The following ATXN10 variants were observed in gnomAD, a reference collection of about 807,000 sequenced individuals.
The protein encoded by ATXN10 is ataxin 10.
A neutral mutation model predicts 52.9 loss-of-function variants in ATXN10; 28 were observed. That is an observed-to-expected ratio of 0.53 (90% confidence interval 0.39 to 0.73). The LOEUF (loss-of-function observed/expected upper bound fraction) is 0.73. ATXN10 is among the 30% of genes least tolerant of loss of function. The pLI, the probability that ATXN10 is intolerant of heterozygous loss-of-function variation, is 0.00. For missense variants in ATXN10, 565 were observed against 577.0 expected (o/e 0.98, Z 0.21); for synonymous variants, 226 against 221.5 (o/e 1.02, Z -0.18).
rs1043943185 is a variant in ATXN10 at position 45,708,994 on chromosome 22, A to G, written c.647+6147A>G. Among the ~76,000 whole-genome samples the G allele has an allele frequency of 1.3e-5, 2 of 152,236 alleles. No individual in the cohort carries two copies. Among genetic ancestry groups the G allele is most frequent in the Admixed American group, 1.3e-4 (2 of 15,280 alleles). ...CCAGTTTCACTACAAAAATGAAGTT[A>G]TAACTGGGAGCAAAGCATTCTTTTT... On this transcript the variant is annotated intron_variant, in intron 5 of 11. Transcript: ENST00000252934. This position sits in a 1 kb window ranked among gnomAD's most constrained non-coding sequence, Gnocchi z 5.3.
rs188294573 is a variant in ATXN10 at position 45,705,936 on chromosome 22, C to T, written c.647+3089C>T. On this transcript the variant is annotated intron_variant, in intron 5 of 11. Transcript: ENST00000252934. The surrounding 1 kb of genome is among the most constrained non-coding windows in gnomAD (Gnocchi z 5.2). The stretch of plus-strand genomic sequence containing the variant: ...AGGCAAGCAAGCATTCCTGCCTGAG[C>T]GCCACTTCTTGTCAGATCATCAGCC... 4.1e-4 allele frequency among the ~76,000 whole-genome samples: 62 copies of T among 152,224 alleles called. No individual in the cohort carries two copies. Among genetic ancestry groups the T allele is most frequent in the African/African-American group, 1.4e-3 (60 of 41,518 alleles).
In ATXN10 at chr22:45,789,037, G is replaced by T. The variant is rs551724903; in HGVS notation, c.1174-17922G>T. ...ATGAGGTGGGGCCAAGACATGGGTAGTTTTAAAAGCTCCCCAGGAGATGCA... is the reference window on the plus strand; with the variant it reads ...ATGAGGTGGGGCCAAGACATGGGTATTTTTAAAAGCTCCCCAGGAGATGCA... On this transcript the variant is annotated intron_variant, in intron 9 of 11. Coordinates refer to ENST00000252934, the MANE Select transcript of ATXN10 (RefSeq NM_013236.4). This position sits in a 1 kb window ranked among gnomAD's most constrained non-coding sequence, Gnocchi z 4.0. Among the ~76,000 whole-genome samples the T allele has an allele frequency of 2.0e-5, 3 of 152,170 alleles. No homozygotes were observed. The South Asian group carries it at 6.3e-4, about 32-fold the overall frequency.
chr22:45,727,206 C>T lies in ATXN10; in HGVS notation c.729-2219C>T, dbSNP rs1924906314. Among the ~76,000 whole-genome samples, 1 of 152,090 alleles carries T rather than the reference C, an allele frequency of 6.6e-6. No homozygotes were observed. Among genetic ancestry groups the T allele is most frequent in the Non-Finnish European group, 1.5e-5 (1 of 68,006 alleles). On this transcript the variant is annotated intron_variant, in intron 6 of 11. Transcript: ENST00000252934. This position sits in a 1 kb window ranked among gnomAD's most constrained non-coding sequence, Gnocchi z 4.6. ...TGTTAACCCCCAAATCATGCAGGAG[C>T]AGCTTGTTTAATTTCCGTGTATTTA...
At chr22:45,751,843 GTTTTTT>G (rs138181) in intron 9 of ATXN10, among the ~76,000 whole-genome samples, 1 of 132,650 alleles carries the variant, frequency 7.5e-6, no homozygotes, top group Non-Finnish European at 1.6e-5. Flanking sequence ...AGCATATTTA[GTTTTTT>G]TTTTTTTTTT....
intron 9 of ATXN10, chr22:45,792,674 G>T: frequency 3.6e-6 from 1 of 276,728 alleles, no homozygotes; most frequent in Admixed American, 4.1e-5. Context: ...GAAAGTCTTG[G>T]TAGGGTTTCA....
At chr22:45,765,868 G>T (rs1926563389) in intron 9 of ATXN10, among the ~76,000 whole-genome samples, 1 of 151,578 alleles carries the variant, frequency 6.6e-6, no homozygotes, top group Non-Finnish European at 1.5e-5. Flanking sequence ...GGTTTTTTTT[G>T]AGCTAGATTG....
intron 5 of ATXN10, among the ~76,000 whole-genome samples, chr22:45,717,820 A>C (rs1421269333): frequency 6.6e-6 from 1 of 152,212 alleles, no homozygotes; most frequent in African/African-American, 2.4e-5. Flanking sequence ...ATTCATAATT[A>C]ATTAATAATA....
chr22:45,755,757 G>A (rs1926150973), intron 9 of ATXN10, among the ~76,000 whole-genome samples: 1 of 152,142 alleles, frequency 6.6e-6, no homozygotes, highest in Non-Finnish European at 1.5e-5. Context: ...GTGCAGGGGA[G>A]CATTTTATAG....
rs1439807811 is a variant in ATXN10, at chr22:45,759,936, CAG to C, written c.1173+19400_1173+19401del. Among the ~76,000 whole-genome samples, 5 of 152,326 alleles carry C rather than the reference CAG, an allele frequency of 3.3e-5. No individual in the cohort carries two copies. The highest frequency in any genetic ancestry group is 1.2e-4 in the African/African-American group (5 of 41,584). On this transcript the variant is annotated intron_variant, in intron 9 of 11. Transcript: ENST00000252934. This position sits in a 1 kb window ranked among gnomAD's most constrained non-coding sequence, Gnocchi z 5.4. ...GGTACAGAGAGCACCTCTATCCCCT[CAG>C]AAAGTTTTTTCCATGCTGGCTGTTG...
chr22:45,721,383 A>G (rs1022881736), intron 6 of ATXN10, among the ~76,000 whole-genome samples: 1 of 152,216 alleles, frequency 6.6e-6, no homozygotes. Context: ...GTTAATGAGA[A>G]TAATAGTAGC....
chr22:45,674,574 C>T (rs539839638), intron 1 of ATXN10: 2 of 152,366 alleles, frequency 1.3e-5, no homozygotes, highest in East Asian at 3.9e-4. Flanking sequence ...CAGTGTTTGT[C>T]CTTGGGGGTC....
At chr22:45,793,991 C>T (rs1254080959) in intron 9 of ATXN10, among the ~76,000 whole-genome samples, 1 of 152,180 alleles carries the variant, frequency 6.6e-6, no homozygotes, top group African/African-American at 2.4e-5. Context: ...ATATTTATAC[C>T]CACTTTTAAC....
Position 45,766,482 on chromosome 22 carries a change from G to T in ATXN10, c.1173+25944G>T, listed in dbSNP as rs2146835696. On this transcript the variant is annotated intron_variant, in intron 9 of 11. Coordinates refer to ENST00000252934, the MANE Select transcript of ATXN10 (RefSeq NM_013236.4). This position sits in a 1 kb window ranked among gnomAD's most constrained non-coding sequence, Gnocchi z 4.6. ...TGAAATCAGTCCCTGGTGCCAAAAA[G>T]GTTGGGAACTCCTCCTTTAGATAAA... Among the ~76,000 whole-genome samples the T allele has an allele frequency of 6.6e-6, 1 of 152,220 alleles. No homozygotes were observed. The highest frequency in any genetic ancestry group is 1.9e-4 in the East Asian group (1 of 5,178).
At position 45,750,094 on chromosome 22, in the gene ATXN10, TTTTAA is replaced by T. The variant is rs1925891409; in HGVS notation, c.1173+9570_1173+9574del. 6.6e-6 allele frequency among the ~76,000 whole-genome samples: 1 copy of T among 151,784 alleles called. No individual in the cohort carries two copies. On this transcript the variant is annotated intron_variant, in intron 9 of 11. Coordinates refer to ENST00000252934, the MANE Select transcript of ATXN10 (RefSeq NM_013236.4). The surrounding 1 kb of genome is among the most constrained non-coding windows in gnomAD (Gnocchi z 4.2). The stretch of plus-strand genomic sequence containing the variant: ...ATGATCAATTTTTAGATAACAGACG[TTTTAA>T]TTTAATTTAATTTTATTTTTGAGAC...
At chr22:45,756,919 T>C (rs1926192635) in intron 9 of ATXN10, among the ~76,000 whole-genome samples, 1 of 151,912 alleles carries the variant, frequency 6.6e-6, no homozygotes, top group African/African-American at 2.4e-5. Flanking sequence ...CATGGCAGAG[T>C]TGGGGGCAAG....
rs540528892 is a variant in ATXN10, at chr22:45,681,352, C to T, written c.117-8360C>T. Among the ~76,000 whole-genome samples, 1 of 152,280 alleles carries T rather than the reference C, an allele frequency of 6.6e-6. No individual in the cohort carries two copies. Among genetic ancestry groups the T allele is most frequent in the South Asian group, 2.1e-4 (1 of 4,826 alleles). ...AACTGTAGCTGCCTTCCCCCACAAT[C>T]TCGAGTCCCAATCCCTGTTTTATCT... On this transcript the variant is annotated intron_variant, in intron 1 of 11. Coordinates refer to ENST00000252934, the MANE Select transcript of ATXN10 (RefSeq NM_013236.4). The surrounding 1 kb of genome is among the most constrained non-coding windows in gnomAD (Gnocchi z 4.2).
intron 9 of ATXN10, among the ~76,000 whole-genome samples, chr22:45,792,103 A>G (rs1340809967): frequency 6.6e-6 from 1 of 152,174 alleles, no homozygotes; most frequent in Admixed American, 6.5e-5. Flanking sequence ...CAATCTTAGC[A>G]CTATCCTTTG....
Position 45,678,865 on chromosome 22 carries a change from C to G in ATXN10, c.116+6686C>G, listed in dbSNP as rs1317115934. ...ACTATGTGTAGCTTACTTTGAACTACTGACATAGGAGTAGCTCACATGCTA... is the reference window on the plus strand; with the variant it reads ...ACTATGTGTAGCTTACTTTGAACTAGTGACATAGGAGTAGCTCACATGCTA... On this transcript the variant is annotated intron_variant, in intron 1 of 11. Transcript: ENST00000252934. This position sits in a 1 kb window ranked among gnomAD's most constrained non-coding sequence, Gnocchi z 4.1. 6.6e-6 allele frequency: 1 copy of G among 152,160 alleles called. No homozygotes were observed. Among genetic ancestry groups the G allele is most frequent in the Non-Finnish European group, 1.5e-5 (1 of 68,030 alleles). The allele number at this position is 152,160 out of a possible 1,614,324, so 9.4% of individuals were successfully genotyped here. A position where few individuals can be genotyped will look rare whatever the true frequency, so the allele number is the denominator to read the frequency against.
At chr22:45,734,372 C>T in intron 7 of ATXN10, 2 of 275,112 alleles carry the variant, frequency 7.3e-6, no homozygotes, top group Admixed American at 4.4e-5. Flanking sequence ...TATTAAAAAG[C>T]ATTTTCTGGA....
Sources: allele counts gnomAD v4.1 joint callset (sites outside exome capture counted in the v4.1 genomes callset), GRCh38; gene constraint gnomAD v4.1.1; non-coding constraint Gnocchi (gnomAD v3.1); transcripts MANE v1.5; gene names NCBI Gene and HGNC (gene_info 2026-07-23, HGNC 2026-07-21).